The following ZNF808 variants were observed in gnomAD, a reference collection of about 807,000 sequenced individuals.
ZNF808 encodes the protein zinc finger protein 808.
ZNF808 carries 5 observed loss-of-function variants against 8.7 expected under a neutral mutation model. The ratio of observed to expected loss-of-function variants is 0.58; its 90% CI spans 0.30 to 1.21. The LOEUF (loss-of-function observed/expected upper bound fraction) is 1.21, where lower values mean the gene tolerates loss of function less well. Among genes scored for constraint, ZNF808 ranks in the 50% most tolerant of loss-of-function variants. The pLI, the probability that ZNF808 is intolerant of heterozygous loss-of-function variation, is 0.07. For missense variants in ZNF808, 1,103 were observed against 1,098.4 expected, an observed-to-expected ratio of 1.00 and a Z score of -0.06; for synonymous variants, 380 against 366.0, an observed-to-expected ratio of 1.04 and a Z score of -0.44.
At position 52,555,844 on chromosome 19, in the gene ZNF808, A is replaced by G; in HGVS notation, c.*216A>G. ...TCAGTCAAGCTTCATCCTATGCAAA[A>G]CAGGAGAATTCATACAGGAGAGAAA... On this transcript the variant is annotated 3_prime_UTR_variant, in exon 5 of 5. Transcript: ENST00000359798. The G allele has an allele frequency of 3.8e-6, 3 of 783,870 alleles. No homozygotes were observed. The highest frequency in any genetic ancestry group is 6.7e-6 in the Non-Finnish European group (3 of 446,974). The allele number at this position is 783,870 out of a possible 1,614,324, so 48.6% of individuals were successfully genotyped here.
At position 52,544,662 on chromosome 19, in the gene ZNF808, T is replaced by C. The variant is rs563987342; in HGVS notation, c.63+1315T>C. Among the ~76,000 whole-genome samples the C allele has an allele frequency of 2.7e-4, 41 of 152,242 alleles. No individual in the cohort carries two copies. The South Asian group carries it at 6.2e-3, about 23-fold the overall frequency. Reference sequence around the variant, plus strand: ...TATATTGTATTTTTATTTTGTTGTCTAGGCTGGAGTGCAGTGGTGCAATCA... The same window carrying C: ...TATATTGTATTTTTATTTTGTTGTCCAGGCTGGAGTGCAGTGGTGCAATCA... On this transcript the variant is annotated intron_variant, in intron 3 of 4. Transcript: ENST00000359798.
In ZNF808 at chr19:52,540,739, C is replaced by G. The variant is rs1480716574; in HGVS notation, c.-19-2527C>G. Among the ~76,000 whole-genome samples the G allele has an allele frequency of 3.3e-5, 5 of 152,146 alleles. No individual in the cohort carries two copies. In the East Asian group the frequency reaches 7.7e-4, roughly 23 times the overall value. ...CTTGGTTTAGCAGAGCCCATGTGTT[C>G]TTGAGAAAAGCATTTGCTCAGATCT... On this transcript the variant is annotated intron_variant, in intron 2 of 4. Transcript: ENST00000359798.
chr19:52,533,996 A>G (rs1289275988), intron 2 of ZNF808, among the ~76,000 whole-genome samples: 2 of 152,154 alleles, frequency 1.3e-5, no homozygotes, highest in East Asian at 1.9e-4. Context: ...TGGTCATGCA[A>G]CCAGAGTCTA....
At chr19:52,550,117 G>C (rs192760735) in intron 4 of ZNF808, among the ~76,000 whole-genome samples, 1 of 152,152 alleles carries the variant, frequency 6.6e-6, no homozygotes, top group Non-Finnish European at 1.5e-5. Flanking sequence ...TTCATGCCCA[G>C]GATTAAGTCT....
intron 3 of ZNF808, among the ~76,000 whole-genome samples, chr19:52,546,418 C>G (rs2059720665): frequency 6.6e-6 from 1 of 152,080 alleles, no homozygotes; most frequent in African/African-American, 2.4e-5. Flanking sequence ...AACTCCTGAC[C>G]TCATGATCCA....
At chr19:52,529,097 T>C (rs1279543095) in intron 1 of ZNF808, among the ~76,000 whole-genome samples, 3 of 151,036 alleles carry the variant, frequency 2.0e-5, no homozygotes, top group Non-Finnish European at 4.4e-5. Context: ...AAAGGGGGGC[T>C]AGGCACAGTG....
intron 1 of ZNF808, among the ~76,000 whole-genome samples, chr19:52,528,105 C>A (rs560483329): frequency 6.6e-6 from 1 of 152,218 alleles, no homozygotes; most frequent in South Asian, 2.1e-4. Flanking sequence ...AGGGAGGCCG[C>A]GTCCTCTGCC....
chr19:52,554,871 A>T lies in ZNF808; in HGVS notation c.1955A>T (p.Lys652Met). ...ATTCACACTGGAGAAAAAACTTACA[A>T]GTGTAATGAGTGTGGGAAGACCTTC... ...TRIHTGEKTY[K>M]CNECGKTFSY... Residue 652 changes from lysine (K) to methionine (M), a missense_variant, in exon 5 of 5, where the codon AAG becomes ATG. Lys to Met is a moderately conservative substitution (Grantham distance 95, BLOSUM62 -1). Coordinates refer to ENST00000359798, the MANE Select transcript of ZNF808 (RefSeq NM_001039886.4). 6.2e-7 allele frequency: 1 copy of T among 1,614,226 alleles called. No homozygotes were observed. Among genetic ancestry groups the T allele is most frequent in the South Asian group, 1.1e-5 (1 of 91,090 alleles).
chr19:52,557,451 A>T (rs1423690627), downstream of ZNF808, among the ~76,000 whole-genome samples: 2 of 151,982 alleles, frequency 1.3e-5, no homozygotes, highest in Non-Finnish European at 2.9e-5. Context: ...CATTGTTAGT[A>T]GAGACAGGGT....
At chr19:52,530,910 G>T (rs1186493369) in intron 1 of ZNF808, among the ~76,000 whole-genome samples, 2 of 152,096 alleles carry the variant, frequency 1.3e-5, no homozygotes, top group African/African-American at 4.8e-5. Flanking sequence ...CTGGGAGGCA[G>T]AGGTTGCAGT....
intron 3 of ZNF808, among the ~76,000 whole-genome samples, chr19:52,563,025 C>G (rs548585544): frequency 4.0e-4 from 61 of 152,286 alleles, no homozygotes; most frequent in African/African-American, 1.4e-3. Context: ...CTGCCCTCCT[C>G]TGCCCCCCAA....
chr19:52,550,181 GCCT>G (rs1028049698), intron 4 of ZNF808, among the ~76,000 whole-genome samples: 3 of 151,996 alleles, frequency 2.0e-5, no homozygotes, highest in African/African-American at 7.2e-5. Flanking sequence ...AACACTGTGG[GCCT>G]CCTGTCATTA....
rs2059815052 is a variant in ZNF808 at position 52,554,589 on chromosome 19, C to T, written c.1673C>T (p.Thr558Ile). 2.5e-6 allele frequency: 4 copies of T among 1,613,432 alleles called. No individual in the cohort carries two copies. Among genetic ancestry groups the T allele is most frequent in the Non-Finnish European group, 3.4e-6 (4 of 1,179,726 alleles). The stretch of plus-strand genomic sequence containing the variant: ...CGTAATTCAGTCCTGGCTGTACATA[C>T]TAGAATTCACACTGCAAAGAAACCT... The part of the protein sequence containing the change: ...FMRNSVLAVH[T>I]RIHTAKKPYK... The change falls in exon 5 of 5, where the codon ACT (threonine) becomes ATT (isoleucine). Residue 558 changes from threonine to isoleucine, a missense_variant. Transcript: ENST00000359798.
exon 4 of ZNF808, chr19:52,563,854 G>C (rs1012177575): frequency 7.0e-5 from 15 of 215,638 alleles, no homozygotes; most frequent in African/African-American, 3.6e-4. Context: ...AGATTAGCTG[G>C]GCACAGTGGT....
At chr19:52,560,970 C>T (rs568708775), downstream of ZNF808, among the ~76,000 whole-genome samples, 1 of 152,102 alleles carries the variant, frequency 6.6e-6, no homozygotes, top group African/African-American at 2.4e-5. Context: ...ACTACTCTCA[C>T]TGAGTAAGTC....
intron 2 of ZNF808, 101 bp from the exon 3 acceptor site, chr19:52,543,165 G>C (rs2059688685): frequency 8.2e-7 from 1 of 1,224,182 alleles, no homozygotes; most frequent in Non-Finnish European, 1.2e-6. Context: ...GGCAGTGGGG[G>C]ACTTCTTTCT....
At chr19:52,530,561 G>A (rs2059552429) in intron 1 of ZNF808, among the ~76,000 whole-genome samples, 2 of 152,116 alleles carry the variant, frequency 1.3e-5, no homozygotes, top group African/African-American at 2.4e-5. Context: ...TACTCAGGAG[G>A]CTGAGGCAGG....
intron 3 of ZNF808, among the ~76,000 whole-genome samples, chr19:52,544,682 C>T (rs1165394337): frequency 6.6e-6 from 1 of 151,952 alleles, no homozygotes; most frequent in Non-Finnish European, 1.5e-5. Context: ...TGCAGTGGTG[C>T]AATCAAAGCT....
chr19:52,556,685 G>A (rs1171881742), downstream of ZNF808: 3 of 151,870 alleles, frequency 2.0e-5, 1 homozygote, highest in East Asian at 5.8e-4. Context: ...GTGAACCCAG[G>A]AGGTGGAGCT....
Sources: gnomAD v4.1 joint callset for allele counts (sites outside exome capture counted in the v4.1 genomes callset) on GRCh38, gnomAD v4.1.1 for gene constraint, MANE v1.5 for transcripts, NCBI Gene and HGNC (gene_info 2026-07-23, HGNC 2026-07-21) for gene names.